The following CFAP100 variants were observed in gnomAD, a reference collection of about 807,000 sequenced individuals.
The protein encoded by CFAP100 is cilia and flagella associated protein 100.
In CFAP100, 70 loss-of-function variants were observed where a neutral mutation model predicts 81.5. The ratio of observed to expected loss-of-function variants is 0.86; its 90% confidence interval spans 0.71 to 1.05. CFAP100 has a LOEUF of 1.05. Ranked by LOEUF, CFAP100 falls within the 50% of genes least tolerant of loss-of-function variation. The pLI is 0.00. For synonymous variants in CFAP100, 341 were observed against 314.8 expected (o/e 1.08, Z -0.88); for missense variants, 811 against 776.5 (o/e 1.04, Z -0.53).
intron 11 of CFAP100, among the ~76,000 whole-genome samples, chr3:126,423,050 C>A (rs9868566): frequency 0.086 from 13,152 of 152,250 alleles, 760 homozygotes; most frequent in African/African-American, 0.15. Context: ...CCACCCAGGA[C>A]TGGGGCCTCT....
chr3:126,398,581 T>C, intron 2 of CFAP100, among the ~76,000 whole-genome samples: 1 of 152,218 alleles, frequency 6.6e-6, no homozygotes, highest in East Asian at 1.9e-4. Context: ...AGAGAGGTTG[T>C]TAAACCACAG....
intron 11 of CFAP100, among the ~76,000 whole-genome samples, chr3:126,421,079 C>T (rs954122688): frequency 8.5e-5 from 13 of 152,078 alleles, no homozygotes; most frequent in African/African-American, 2.7e-4. Flanking sequence ...CTCAGCTCAC[C>T]GCAACCTCCG....
chr3:126,414,242 G>C, intron 4 of CFAP100, 63 bp downstream of exon 4: 1 of 1,189,822 alleles, frequency 8.4e-7, no homozygotes, highest in African/African-American at 1.5e-5. Context: ...GCTTCCTGGA[G>C]TGGCCACATT....
At chr3:126,422,193 G>C (rs1056190236) in intron 11 of CFAP100, among the ~76,000 whole-genome samples, 4 of 152,226 alleles carry the variant, frequency 2.6e-5, no homozygotes, top group African/African-American at 9.6e-5. Flanking sequence ...CAGGCTCCCT[G>C]ACCCAGGCTA....
rs954605819 is a variant in CFAP100, at chr3:126,416,213, C to A, written c.226-103C>A. 3.9e-6 allele frequency: 4 copies of A among 1,019,042 alleles called. No individual in the cohort carries two copies. The African/African-American group carries it at 4.9e-5, about 12-fold the overall frequency. 63.1% of individuals were successfully genotyped at this position (1,019,042 alleles called of 1,614,324 possible). ...GACAGCAGTGTTCAGGTCCCCGCGT[C>A]CTCGCGCGCAAACCCGCGTCCCTAG... On this transcript the variant is annotated intron_variant, in intron 4 of 16. Coordinates refer to ENST00000352312, the MANE Select transcript of CFAP100 (RefSeq NM_182628.3).
chr3:126,417,300 T>C (rs891660858), intron 5 of CFAP100, among the ~76,000 whole-genome samples: 1 of 148,264 alleles, frequency 6.7e-6, no homozygotes, highest in Non-Finnish European at 1.5e-5. Context: ...GTAAGAACCA[T>C]GTATGTGTGT....
chr3:126,434,399 C>T lies in CFAP100; in HGVS notation c.1628+18C>T, dbSNP rs1933362425. 1.2e-6 allele frequency: 2 copies of T among 1,604,308 alleles called. No homozygotes were observed. Among genetic ancestry groups the T allele is most frequent in the Non-Finnish European group, 1.7e-6 (2 of 1,174,148 alleles). On this transcript the variant is annotated intron_variant, in intron 15 of 16. Transcript: ENST00000352312. The stretch of plus-strand genomic sequence containing the variant: ...CGCATCAGGTGAGCTCTAGGCTCTC[C>T]CTGCCAGCTGCTGTGTCCTGGCTGG...
intron 2 of CFAP100, among the ~76,000 whole-genome samples, chr3:126,397,868 C>G (rs2082912917): frequency 6.6e-6 from 1 of 151,864 alleles, no homozygotes. Context: ...CAGATAGGAC[C>G]CCCCCTCAAC....
intron 3 of CFAP100, among the ~76,000 whole-genome samples, chr3:126,412,668 GC>G (rs773710463): frequency 3.9e-5 from 6 of 152,112 alleles, no homozygotes; most frequent in Non-Finnish European, 7.3e-5. Flanking sequence ...TCAAATGACT[GC>G]CATTTTTGGG....
chr3:126,425,196 A>C (rs2083388954), intron 13 of CFAP100, among the ~76,000 whole-genome samples: 1 of 152,230 alleles, frequency 6.6e-6, no homozygotes, highest in Admixed American at 6.5e-5. Context: ...ACCTCATAGC[A>C]GAATGCTGGA....
At chr3:126,400,241 A>G (rs1173014353) in intron 2 of CFAP100, among the ~76,000 whole-genome samples, 1 of 152,206 alleles carries the variant, frequency 6.6e-6, no homozygotes, top group Non-Finnish European at 1.5e-5. Context: ...TCAAAAGACG[A>G]TATGCAAATG....
chr3:126,414,792 G>C (rs949388505), intron 4 of CFAP100, among the ~76,000 whole-genome samples: 2 of 152,200 alleles, frequency 1.3e-5, no homozygotes, highest in South Asian at 2.1e-4. Flanking sequence ...GCTGCCTTGG[G>C]CACCCAGCCC....
intron 11 of CFAP100, among the ~76,000 whole-genome samples, 200 bp downstream of exon 11, chr3:126,420,429 T>C (rs557810831): frequency 1.7e-4 from 26 of 152,258 alleles, no homozygotes; most frequent in African/African-American, 5.1e-4. Context: ...GAGTTTCCAT[T>C]GTGGTTCCCA....
chr3:126,416,284 G>A, intron 4 of CFAP100, 32 bp from the exon 5 acceptor site: 1 of 1,556,284 alleles, frequency 6.4e-7, no homozygotes, highest in Non-Finnish European at 8.7e-7. Flanking sequence ...TGGGGAGCCT[G>A]GGCCCCGCCC....
At chr3:126,426,956 C>T (rs1204743559) in intron 13 of CFAP100, among the ~76,000 whole-genome samples, 1 of 152,080 alleles carries the variant, frequency 6.6e-6, no homozygotes, top group Non-Finnish European at 1.5e-5. Context: ...ATAAATCTAA[C>T]AAAACATGCA....
chr3:126,411,248 G>C (rs1228787010), intron 3 of CFAP100, among the ~76,000 whole-genome samples: 1 of 151,956 alleles, frequency 6.6e-6, no homozygotes, highest in South Asian at 2.1e-4. Context: ...ACTTGATCAC[G>C]ATGAATTATC....
At chr3:126,399,697 TG>T (rs1397599674) in intron 2 of CFAP100, among the ~76,000 whole-genome samples, 1 of 152,200 alleles carries the variant, frequency 6.6e-6, no homozygotes, top group Non-Finnish European at 1.5e-5. Flanking sequence ...ACAATTGTGC[TG>T]GCGTGAATTA....
At chr3:126,407,495 T>C (rs1207366324) in intron 3 of CFAP100, among the ~76,000 whole-genome samples, 1 of 152,148 alleles carries the variant, frequency 6.6e-6, no homozygotes, top group African/African-American at 2.4e-5. Flanking sequence ...CTAACAGCAG[T>C]TCCATAAAAT....
At chr3:126,399,878 C>T (rs879854439) in intron 2 of CFAP100, among the ~76,000 whole-genome samples, 4 of 152,124 alleles carry the variant, frequency 2.6e-5, no homozygotes, top group Admixed American at 6.5e-5. Context: ...CCTGTGTTCC[C>T]GGTACAGCTT....
Sources: gnomAD v4.1 joint callset for allele counts (sites outside exome capture counted in the v4.1 genomes callset) on GRCh38, gnomAD v4.1.1 for gene constraint, MANE v1.5 for transcripts, NCBI Gene and HGNC (gene_info 2026-07-23, HGNC 2026-07-21) for gene names.